The following CCDC171 variants were observed in gnomAD, a reference collection of about 807,000 sequenced individuals.
CCDC171 encodes coiled-coil domain containing 171.
CCDC171 carries 177 observed loss-of-function variants against 168.2 expected under a neutral mutation model. That is an observed-to-expected ratio of 1.05 (90% CI 0.93 to 1.19). The LOEUF (loss-of-function observed/expected upper bound fraction) is 1.19, where lower values mean the gene tolerates loss of function less well. CCDC171 is among the 50% of genes most tolerant of loss of function. CCDC171 has a pLI of 0.00. For synonymous variants in CCDC171, 687 were observed against 540.8 expected, an observed-to-expected ratio of 1.27 and a Z score of -3.75; for missense variants, 1,991 against 1,539.0, an observed-to-expected ratio of 1.29 and a Z score of -4.91.
intron 24 of CCDC171, among the ~76,000 whole-genome samples, chr9:15,906,264 A>G (rs1386116679): frequency 6.6e-6 from 1 of 152,238 alleles, no homozygotes; most frequent in Non-Finnish European, 1.5e-5. Flanking sequence ...CATCGATGCA[A>G]AAATCCTCAA....
At chr9:15,971,290 G>T (rs537724264) in intron 25 of CCDC171, among the ~76,000 whole-genome samples, 1 of 151,958 alleles carries the variant, frequency 6.6e-6, no homozygotes, top group African/African-American at 2.4e-5. Context: ...AATTGCCAAT[G>T]GACTGAAGTC....
intron 7 of CCDC171, among the ~76,000 whole-genome samples, chr9:15,631,905 A>C (rs570338838): frequency 6.6e-5 from 10 of 152,266 alleles, no homozygotes; most frequent in Middle Eastern, 3.4e-3. Flanking sequence ...TATAAACAGA[A>C]CCAAAGACAA....
intron 1 of CCDC171, among the ~76,000 whole-genome samples, chr9:15,559,191 G>A (rs560993399): frequency 2.0e-5 from 3 of 152,118 alleles, no homozygotes; most frequent in East Asian, 1.9e-4. Context: ...ATGTGGTGCC[G>A]AGAAGAATGT....
At chr9:15,699,334 A>G (rs900906135) in intron 11 of CCDC171, among the ~76,000 whole-genome samples, 3 of 152,138 alleles carry the variant, frequency 2.0e-5, no homozygotes, top group Admixed American at 6.5e-5. Flanking sequence ...TACAGCTCAT[A>G]AAAGCAGTGT....
chr9:15,727,493 T>A (rs1414238107), intron 14 of CCDC171, among the ~76,000 whole-genome samples: 1 of 152,234 alleles, frequency 6.6e-6, no homozygotes, highest in Non-Finnish European at 1.5e-5. Flanking sequence ...AGAATTACTG[T>A]ACTGAGTTAC....
At position 15,779,057 on chromosome 9, in the gene CCDC171, G is replaced by C. The variant is rs769396946; in HGVS notation, c.2988G>C (p.Glu996Asp). 3.7e-6 allele frequency: 6 copies of C among 1,605,602 alleles called. No individual in the cohort carries two copies. In the African/African-American group the frequency reaches 5.4e-5, roughly 14 times the overall value. The part of the protein sequence containing the change: ...AEVERRSLRL[E>D]VTEFKRSVNE... ...TGGAGCGCCGCTCACTACGCTTAGA[G>C]GTCACAGAATTCAAACGAAGTGTGA... The change falls in exon 20 of 26, where the codon GAG becomes GAC. Residue 996 changes from glutamate to aspartate, a missense_variant. Coordinates refer to ENST00000380701, the MANE Select transcript of CCDC171 (RefSeq NM_173550.4).
At chr9:15,895,173 A>T (rs1035462358) in intron 24 of CCDC171, among the ~76,000 whole-genome samples, 10 of 152,150 alleles carry the variant, frequency 6.6e-5, no homozygotes, top group African/African-American at 2.4e-4. Context: ...TTGCTAAATA[A>T]TTCCTGTTTT....
chr9:15,841,357 G>A (rs975431836), intron 21 of CCDC171, among the ~76,000 whole-genome samples: 7 of 152,058 alleles, frequency 4.6e-5, no homozygotes, highest in South Asian at 2.1e-4. Flanking sequence ...CTGTAATGAC[G>A]TTACATGTAG....
intron 6 of CCDC171, among the ~76,000 whole-genome samples, chr9:16,026,426 T>G (rs2133033518): frequency 6.6e-6 from 1 of 152,328 alleles, no homozygotes; most frequent in East Asian, 1.9e-4. Context: ...TACAGGCATC[T>G]GGAATCCAGT....
At chr9:15,564,215 A>G in intron 2 of CCDC171, 86 bp downstream of exon 2, 1 of 947,288 alleles carries the variant, frequency 1.1e-6, no homozygotes, top group Non-Finnish European at 1.6e-6. Context: ...AGCTAACTGT[A>G]AGAATTCTCA....
rs561665899 is a variant in CCDC171 at position 15,592,344 on chromosome 9, C to T, written c.543+788C>T. ...AATATAGTGAGACCCTGTCTCCCCCCAAAAAAGCAAAAAAACAAAACAAAG... is the reference window on the plus strand; with the variant it reads ...AATATAGTGAGACCCTGTCTCCCCCTAAAAAAGCAAAAAAACAAAACAAAG... On this transcript the variant is annotated intron_variant, in intron 5 of 25. Coordinates refer to ENST00000380701, the MANE Select transcript of CCDC171 (RefSeq NM_173550.4). Among the ~76,000 whole-genome samples the T allele has an allele frequency of 1.8e-3, 266 of 149,542 alleles. 1 individual carries two copies. Among genetic ancestry groups the T allele is most frequent in the Middle Eastern group, 0.014 (4 of 294 alleles).
Position 15,944,623 on chromosome 9 carries a change from A to G in CCDC171, c.3753+24201A>G, listed in dbSNP as rs572347959. Among the ~76,000 whole-genome samples the G allele has an allele frequency of 2.6e-5, 4 of 152,104 alleles. No individual in the cohort carries two copies. The South Asian group carries it at 8.3e-4, about 32-fold the overall frequency. ...CACAGGCAGTTCAGCTCAAGAGCCC[A>G]TTCATAGTAGCTAGGCATGCGGGTT... On this transcript the variant is annotated intron_variant, in intron 25 of 25. Transcript: ENST00000380701.
At chr9:15,780,084 C>T (rs186556361) in intron 20 of CCDC171, among the ~76,000 whole-genome samples, 73 of 152,310 alleles carry the variant, frequency 4.8e-4, no homozygotes, top group Non-Finnish European at 9.8e-4. Flanking sequence ...GAGGCAGCAG[C>T]AGGTGTAGTA....
chr9:15,835,394 G>A (rs1189421879), intron 21 of CCDC171, among the ~76,000 whole-genome samples: 1 of 152,102 alleles, frequency 6.6e-6, no homozygotes, highest in African/African-American at 2.4e-5. Context: ...TTAAGATTTT[G>A]TGATGAAAGT....
chr9:15,958,912 G>A (rs1830079438), intron 25 of CCDC171, among the ~76,000 whole-genome samples: 1 of 152,074 alleles, frequency 6.6e-6, no homozygotes, highest in Non-Finnish European at 1.5e-5. Context: ...AGCAAGAAGA[G>A]ATATAGCAGG....
chr9:15,623,130 G>T, intron 6 of CCDC171, 137 bp from the exon 7 acceptor site: 1 of 486,910 alleles, frequency 2.1e-6, no homozygotes, highest in Admixed American at 3.6e-5. Context: ...AAATATCTAG[G>T]CCTCTTTTGC....
intron 2 of CCDC171, among the ~76,000 whole-genome samples, chr9:15,567,087 C>T (rs890231174): frequency 7.7e-5 from 11 of 143,196 alleles, no homozygotes; most frequent in Admixed American, 4.5e-4. Flanking sequence ...AGTGCAGTGG[C>T]GTGATCTCAC....
chr9:15,819,547 C>T lies in CCDC171; in HGVS notation c.3268-27155C>T, dbSNP rs1191741061. Reference sequence around the variant, plus strand: ...TAGGCAGGGGTTGCCATCCTAATCTCGGATAAAACACACTTTAAACCAACA... The same window carrying T: ...TAGGCAGGGGTTGCCATCCTAATCTTGGATAAAACACACTTTAAACCAACA... On this transcript the variant is annotated intron_variant, in intron 21 of 25. Transcript: ENST00000380701. Among the ~76,000 whole-genome samples, 8 of 115,972 alleles carry T rather than the reference C, an allele frequency of 6.9e-5. 2 individuals carry two copies. The highest frequency in any genetic ancestry group is 2.5e-4 in the Admixed American group (3 of 12,244). 76.1% of individuals were successfully genotyped at this position (115,972 alleles called of 152,430 possible).
chr9:16,041,542 A>C (rs527309526), upstream of CCDC171, among the ~76,000 whole-genome samples: 9 of 152,338 alleles, frequency 5.9e-5, no homozygotes, highest in South Asian at 1.9e-3. Context: ...GATCTGAACC[A>C]GGTGTCTGAG....
Sources: allele counts gnomAD v4.1 joint callset (sites outside exome capture counted in the v4.1 genomes callset), GRCh38; gene constraint gnomAD v4.1.1; transcripts MANE v1.5; gene names NCBI Gene and HGNC (gene_info 2026-07-23, HGNC 2026-07-21).